The following AASDH variants were observed in gnomAD, a reference collection of about 807,000 sequenced individuals.
AASDH encodes the protein beta-alanine-activating enzyme.
AASDH carries 81 observed loss-of-function variants against 102.3 expected under a neutral mutation model. That is an observed-to-expected ratio of 0.79 (90% CI 0.66 to 0.95). The LOEUF is 0.95. AASDH is among the 40% of genes least tolerant of loss of function. The pLI, the probability that AASDH is intolerant of heterozygous loss-of-function variation, is 0.00. For missense variants in AASDH, 1,203 were observed against 1,266.2 expected, an observed-to-expected ratio of 0.95 and a Z score of 0.76; for synonymous variants, 398 against 454.0, an observed-to-expected ratio of 0.88 and a Z score of 1.57.
chr4:56,367,571 A>G (rs1420361409), intron 5 of AASDH, among the ~76,000 whole-genome samples: 29 of 130,458 alleles, frequency 2.2e-4, no homozygotes, highest in African/African-American at 7.7e-4. Flanking sequence ...CCACATATCT[A>G]CAACTATCTG....
At position 56,349,930 on chromosome 4, in the gene AASDH, T is replaced by A. The variant is rs774053165; in HGVS notation, c.1821A>T (p.Val607=). The A allele has an allele frequency of 6.2e-7, 1 of 1,613,948 alleles. No homozygotes were observed. The highest frequency in any genetic ancestry group is 1.3e-5 in the African/African-American group (1 of 74,936). ...SEIEKLVGTS[V]PGLLEIILSS... ...TGAGAATAATTTCCAGAAGCCCAGG[T>A]ACTGATGTACCAACAAGTTTTTCAA... The change falls in exon 11 of 15, where the codon GTA becomes GTT. Residue 607 remains valine, a synonymous_variant. Transcript: ENST00000205214.
At chr4:56,380,490 G>GT (rs1034173451) in intron 3 of AASDH, among the ~76,000 whole-genome samples, 16 of 152,102 alleles carry the variant, frequency 1.1e-4, no homozygotes, top group African/African-American at 3.6e-4. Flanking sequence ...GGTGTGGCCT[G>GT]TAATATTTGA....
chr4:56,342,803 A>AATTT (rs1358466187), intron 14 of AASDH, 32 bp downstream of exon 14: 1 of 967,932 alleles, frequency 1.0e-6, no homozygotes, highest in Admixed American at 4.2e-5. Flanking sequence ...ATATATAAAA[A>AATTT]TGTATATATA....
Position 56,338,325 on chromosome 4 carries a change from A to ATAAG in AASDH, c.*73_*76dup, listed in dbSNP as rs1160498820. The ATAAG allele has an allele frequency of 5.6e-6, 8 of 1,440,494 alleles. No homozygotes were observed. Among genetic ancestry groups the ATAAG allele is most frequent in the Admixed American group, 4.5e-5 (2 of 44,614 alleles). The allele number at this position is 1,440,494 out of a possible 1,614,324, so 89.2% of individuals were successfully genotyped here. On this transcript the variant is annotated 3_prime_UTR_variant, in exon 15 of 15. Coordinates refer to ENST00000205214, the MANE Select transcript of AASDH (RefSeq NM_181806.4). ...AAAATATAATCTTCTTTAATATAAAATAAGTCCACATGATGTATAATGGTA... is the reference window on the plus strand; with the variant it reads ...AAAATATAATCTTCTTTAATATAAAATAAGTAAGTCCACATGATGTATAATGGTA...
chr4:56,358,702 C>A (rs1749915586), intron 5 of AASDH, among the ~76,000 whole-genome samples: 1 of 152,072 alleles, frequency 6.6e-6, no homozygotes, highest in Non-Finnish European at 1.5e-5. Context: ...ATAAATCCCA[C>A]ATGGTCACCT....
At chr4:56,365,935 GT>G (rs1254489199) in intron 5 of AASDH, among the ~76,000 whole-genome samples, 2 of 152,082 alleles carry the variant, frequency 1.3e-5, no homozygotes, top group African/African-American at 4.8e-5. Flanking sequence ...CCAGGAGCTG[GT>G]TTTTTGAAAA....
chr4:56,347,837 T>C (rs1444282238), intron 11 of AASDH, among the ~76,000 whole-genome samples: 2 of 152,076 alleles, frequency 1.3e-5, no homozygotes, highest in African/African-American at 4.8e-5. Context: ...AAAAGCTTGA[T>C]AAAAGATTCT....
Position 56,349,347 on chromosome 4 carries a change from C to T in AASDH, c.2404G>A (p.Gly802Arg). 1 of 1,614,156 alleles carries T rather than the reference C, an allele frequency of 6.2e-7. No individual in the cohort carries two copies. Residue 802 changes from glycine (G) to arginine (R), a missense_variant, in exon 11 of 15, where the codon GGG becomes AGG. Coordinates refer to ENST00000205214, the MANE Select transcript of AASDH (RefSeq NM_181806.4). ...AAAATCTGTTCCCATTTTACCTTCC[C>T]AGAGTAAAAGTCAACTGCCTTCATT... is the stretch of plus-strand genomic sequence containing the variant. ...HRMKAVDFYS[G>R]KVKWEQILGD...
chr4:56,356,128 G>A (rs1311573788), intron 5 of AASDH: 9 of 642,396 alleles, frequency 1.4e-5, no homozygotes, highest in Non-Finnish European at 2.5e-5. Context: ...TCCTCCCGCC[G>A]TCCAAGATGC....
At chr4:56,341,300 T>C (rs1055979723) in intron 14 of AASDH, among the ~76,000 whole-genome samples, 1 of 151,646 alleles carries the variant, frequency 6.6e-6, no homozygotes, top group African/African-American at 2.4e-5. Context: ...AAATGTAGTA[T>C]ATATAGATGC....
chr4:56,366,231 G>C (rs1156651536), intron 5 of AASDH, among the ~76,000 whole-genome samples: 2 of 152,136 alleles, frequency 1.3e-5, no homozygotes, highest in Non-Finnish European at 2.9e-5. Context: ...ATAATTAATA[G>C]CCTACGAACC....
At chr4:56,345,475 CTATT>C (rs1019425311) in intron 11 of AASDH, among the ~76,000 whole-genome samples, 185 bp from the exon 12 acceptor site, 1 of 152,196 alleles carries the variant, frequency 6.6e-6, no homozygotes, top group African/African-American at 2.4e-5. Flanking sequence ...TGTAAAATAT[CTATT>C]TAGTAGGTGT....
chr4:56,382,681 T>C (rs1753120116), intron 2 of AASDH, 84 bp from the exon 3 acceptor site: 10 of 1,476,254 alleles, frequency 6.8e-6, no homozygotes, highest in African/African-American at 1.5e-5. Flanking sequence ...ATGCACTTTA[T>C]TTATTTTTTG....
intron 4 of AASDH, among the ~76,000 whole-genome samples, chr4:56,374,347 G>A (rs1043674036): frequency 4.6e-5 from 6 of 129,636 alleles, no homozygotes; most frequent in Non-Finnish European, 9.4e-5. Flanking sequence ...CAGCCTGGGT[G>A]ACAGAGTGAG....
At chr4:56,342,775 TTATATATACATTTA>T in intron 14 of AASDH, 46 bp downstream of exon 14, 1 of 685,774 alleles carries the variant, frequency 1.5e-6, no homozygotes, top group South Asian at 6.7e-5. Context: ...GTTCTATTTT[TTATATATACATTTA>T]TATATATATA....
chr4:56,356,914 G>A, intron 5 of AASDH: 1 of 905,630 alleles, frequency 1.1e-6, no homozygotes, highest in Non-Finnish European at 1.8e-6. Context: ...TAAAGAACCT[G>A]CCACTAAACT....
At chr4:56,361,540 A>G (rs978745499) in intron 5 of AASDH, among the ~76,000 whole-genome samples, 7 of 152,240 alleles carry the variant, frequency 4.6e-5, no homozygotes, top group African/African-American at 1.7e-4. Flanking sequence ...TACAAAAATG[A>G]GACTTAGTAG....
intron 4 of AASDH, among the ~76,000 whole-genome samples, chr4:56,377,578 T>C (rs115259640): frequency 0.016 from 2,417 of 152,308 alleles, 74 homozygotes; most frequent in African/African-American, 0.055. Flanking sequence ...TTCTCCCTTT[T>C]TATTAATAAT....
At chr4:56,339,837 T>C (rs1747441099) in intron 14 of AASDH, among the ~76,000 whole-genome samples, 1 of 150,610 alleles carries the variant, frequency 6.6e-6, no homozygotes, top group South Asian at 2.1e-4. Flanking sequence ...AAAAAGTTAA[T>C]TGTGCTGAAA....
Sources: gnomAD v4.1 joint callset for allele counts (sites outside exome capture counted in the v4.1 genomes callset) on GRCh38, gnomAD v4.1.1 for gene constraint, MANE v1.5 for transcripts, NCBI Gene and HGNC (gene_info 2026-07-23, HGNC 2026-07-21) for gene names.